Variants in H2AC15 observed in about 807,000 individuals in gnomAD.
The protein encoded by H2AC15 is histone H2A type 1.
Under a neutral mutation model 7.8 loss-of-function variants are expected in H2AC15, and 7 were observed. The observed-to-expected ratio is 0.90, with a 90% CI of 0.51 to 1.69. H2AC15 has a LOEUF of 1.69. Ranked by LOEUF, H2AC15 falls within the 40% of genes most tolerant of loss-of-function variation. The pLI is 0.00. For synonymous variants in H2AC15, 125 were observed against 79.3 expected, an observed-to-expected ratio of 1.58 and a Z score of -3.06; for missense variants, 234 against 174.7, an observed-to-expected ratio of 1.34 and a Z score of -1.91.
chr6:27,838,169 C>G lies in H2AC15; in HGVS notation c.171G>C (p.Glu57Asp), dbSNP rs1373696728. The G allele has an allele frequency of 6.2e-7, 1 of 1,614,168 alleles. No individual in the cohort carries two copies. Among genetic ancestry groups the G allele is most frequent in the Admixed American group, 1.7e-5 (1 of 60,020 alleles). Residue 57 changes from glutamate to aspartate, a missense_variant, in exon 1 of 1, where the codon GAG becomes GAC. Coordinates refer to ENST00000618958, the MANE Select transcript of H2AC15 (RefSeq NM_003510.3). ...GAPVYLAAVL[E>D]YLTAEILELA... The stretch of plus-strand genomic sequence containing the variant: ...GTTCCAGGATCTCGGCGGTTAGGTA[C>G]TCCAACACCGCCGCCAGGTACACCG...
In H2AC15 at chr6:27,838,184, C is replaced by G. The variant is rs149036829; in HGVS notation, c.156G>C (p.Leu52=). Residue 52 remains leucine (L), a synonymous_variant, in exon 1 of 1, where the codon CTG becomes CTC. Transcript: ENST00000618958. ...ERVGAGAPVY[L]AAVLEYLTAE... is the part of the protein sequence containing the mutation. ...CGGTTAGGTACTCCAACACCGCCGC[C>G]AGGTACACCGGCGCTCCGGCACCGA... The G allele has an allele frequency of 8.1e-6, 13 of 1,614,030 alleles. No individual in the cohort carries two copies. In the Admixed American group the frequency reaches 2.2e-4, roughly 27 times the overall value.
In H2AC15 at chr6:27,838,134, T is replaced by C; in HGVS notation, c.206A>G (p.Asn69Ser). The change falls in exon 1 of 1, where the codon AAC (asparagine) becomes AGC (serine). Residue 69 changes from asparagine to serine, a missense_variant. Asn to Ser is a conservative substitution (Grantham distance 46). Coordinates refer to ENST00000618958, the MANE Select transcript of H2AC15 (RefSeq NM_003510.3). ...LTAEILELAG[N>S]AARDNKKTRI... ...GGTCTTCTTGTTGTCGCGGGCCGCG[T>C]TGCCAGCCAGTTCCAGGATCTCGGC... is the stretch of plus-strand genomic sequence containing the variant. 15 of 1,614,160 alleles carry C rather than the reference T, an allele frequency of 9.3e-6. 1 individual carries two copies. Among genetic ancestry groups the C allele is most frequent in the Non-Finnish European group, 1.3e-5 (15 of 1,180,030 alleles).
Position 27,838,192 on chromosome 6 carries a change from C to A in H2AC15, c.148G>T (p.Val50Leu). The change falls in exon 1 of 1, where the codon GTG becomes TTG. Residue 50 changes from valine (V) to leucine (L), a missense_variant. By Grantham distance (32) the Val-to-Leu change is conservative. Coordinates refer to ENST00000618958, the MANE Select transcript of H2AC15 (RefSeq NM_003510.3). ...YAERVGAGAP[V>L]YLAAVLEYLT... ...TACTCCAACACCGCCGCCAGGTACA[C>A]CGGCGCTCCGGCACCGACCCGCTCA... 1 of 1,614,088 alleles carries A rather than the reference C, an allele frequency of 6.2e-7. No individual in the cohort carries two copies.
chr6:27,838,313 G>A lies in H2AC15; in HGVS notation c.27C>T (p.Gly9=). ...GGGTCTTAGCCTTGGCGCGAGCTTT[G>A]CCGCCCTGCTTGCCACGTCCCGACA... MSGRGKQG[G]KARAKAKTRS... is the part of the protein sequence containing the mutation. Residue 9 remains glycine, a synonymous_variant, in exon 1 of 1, where the codon GGC becomes GGT. Coordinates refer to ENST00000618958, the MANE Select transcript of H2AC15 (RefSeq NM_003510.3). 6.3e-7 allele frequency: 1 copy of A among 1,594,652 alleles called. No individual in the cohort carries two copies.
In H2AC15 at chr6:27,838,367, C is replaced by A. The variant is rs759460168; in HGVS notation, c.-28G>T. The stretch of plus-strand genomic sequence containing the variant: ...CGTAAAAAATTCAATCAGTAACGTT[C>A]CTGAGACTGACGTAACGCTAAAGCT... On this transcript the variant is annotated 5_prime_UTR_variant, in exon 1 of 1. Coordinates refer to ENST00000618958, the MANE Select transcript of H2AC15 (RefSeq NM_003510.3). The A allele has an allele frequency of 6.4e-7, 1 of 1,552,786 alleles. No individual in the cohort carries two copies. Among genetic ancestry groups the A allele is most frequent in the East Asian group, 2.3e-5 (1 of 44,406 alleles).
At position 27,838,191 on chromosome 6, in the gene H2AC15, A is replaced by G. The variant is rs1441424698; in HGVS notation, c.149T>C (p.Val50Ala). ...GTACTCCAACACCGCCGCCAGGTACACCGGCGCTCCGGCACCGACCCGCTC... is the reference window on the plus strand; with the variant it reads ...GTACTCCAACACCGCCGCCAGGTACGCCGGCGCTCCGGCACCGACCCGCTC... ...YAERVGAGAP[V>A]YLAAVLEYLT... Residue 50 changes from valine to alanine, a missense_variant, in exon 1 of 1, where the codon GTG becomes GCG. By Grantham distance (64) the Val-to-Ala change is moderately conservative. Coordinates refer to ENST00000618958, the MANE Select transcript of H2AC15 (RefSeq NM_003510.3). 2 of 1,614,032 alleles carry G rather than the reference A, an allele frequency of 1.2e-6. No individual in the cohort carries two copies. Among genetic ancestry groups the G allele is most frequent in the Non-Finnish European group, 1.7e-6 (2 of 1,180,022 alleles).
At position 27,838,104 on chromosome 6, in the gene H2AC15, A is replaced by T. The variant is rs748101619; in HGVS notation, c.236T>A (p.Ile79Asn). 1 of 1,614,042 alleles carries T rather than the reference A, an allele frequency of 6.2e-7. No individual in the cohort carries two copies. The highest frequency in any genetic ancestry group is 1.7e-5 in the Admixed American group (1 of 59,998). The part of the protein sequence containing the change: ...NAARDNKKTR[I>N]IPRHLQLAIR... ...GGCCAGCTGCAAGTGGCGCGGGATGATGCGGGTCTTCTTGTTGTCGCGGGC... is the reference window on the plus strand; with the variant it reads ...GGCCAGCTGCAAGTGGCGCGGGATGTTGCGGGTCTTCTTGTTGTCGCGGGC... The change falls in exon 1 of 1, where the codon ATC (isoleucine) becomes AAC (asparagine). Residue 79 changes from isoleucine to asparagine, a missense_variant. Transcript: ENST00000618958.
rs754126602 is a variant in H2AC15, at chr6:27,838,246, G to A, written c.94C>T (p.His32Tyr). 6 of 1,613,942 alleles carry A rather than the reference G, an allele frequency of 3.7e-6. No homozygotes were observed. The highest frequency in any genetic ancestry group is 1.7e-5 in the Admixed American group (1 of 59,998). ...AGLQFPVGRV[H>Y]RLLRKGNYAE... ...TAGTTGCCCTTGCGGAGCAGTCGGTGCACTCGGCCCACTGGGAACTGAAGA... is the reference window on the plus strand; with the variant it reads ...TAGTTGCCCTTGCGGAGCAGTCGGTACACTCGGCCCACTGGGAACTGAAGA... Residue 32 changes from histidine to tyrosine, a missense_variant, in exon 1 of 1, where the codon CAC (histidine) becomes TAC (tyrosine). His to Tyr is a moderately conservative substitution (Grantham distance 83). Coordinates refer to ENST00000618958, the MANE Select transcript of H2AC15 (RefSeq NM_003510.3).
At position 27,838,257 on chromosome 6, in the gene H2AC15, A is replaced by C; in HGVS notation, c.83T>G (p.Val28Gly). 6.2e-7 allele frequency: 1 copy of C among 1,613,630 alleles called. No individual in the cohort carries two copies. The highest frequency in any genetic ancestry group is 8.5e-7 in the Non-Finnish European group (1 of 1,179,794). The change falls in exon 1 of 1, where the codon GTG becomes GGG. Residue 28 changes from valine to glycine, a missense_variant. Val to Gly is a moderately radical substitution (Grantham distance 109). Transcript: ENST00000618958. ...RSSRAGLQFP[V>G]GRVHRLLRKG... Reference sequence around the variant, plus strand: ...GCGGAGCAGTCGGTGCACTCGGCCCACTGGGAACTGAAGACCCGCCCTTGA... The same window carrying C: ...GCGGAGCAGTCGGTGCACTCGGCCCCCTGGGAACTGAAGACCCGCCCTTGA...
At position 27,838,290 on chromosome 6, in the gene H2AC15, G is replaced by A. The variant is rs1481379236; in HGVS notation, c.50C>T (p.Thr17Ile). Reference protein sequence around the residue: ...QGGKARAKAKTRSSRAGLQFP... With the variant: ...QGGKARAKAKIRSSRAGLQFP... Reference sequence around the variant, plus strand: ...CTGAAGACCCGCCCTTGAAGAACGGGTCTTAGCCTTGGCGCGAGCTTTGCC... The same window carrying A: ...CTGAAGACCCGCCCTTGAAGAACGGATCTTAGCCTTGGCGCGAGCTTTGCC... Residue 17 changes from threonine (T) to isoleucine (I), a missense_variant, in exon 1 of 1, where the codon ACC (threonine) becomes ATC (isoleucine). Coordinates refer to ENST00000618958, the MANE Select transcript of H2AC15 (RefSeq NM_003510.3). 6.2e-7 allele frequency: 1 copy of A among 1,606,992 alleles called. No individual in the cohort carries two copies. Among genetic ancestry groups the A allele is most frequent in the Non-Finnish European group, 8.5e-7 (1 of 1,175,998 alleles).
At position 27,838,301 on chromosome 6, in the gene H2AC15, G is replaced by C; in HGVS notation, c.39C>G (p.Ala13=). 6.2e-7 allele frequency: 1 copy of C among 1,601,764 alleles called. No homozygotes were observed. Among genetic ancestry groups the C allele is most frequent in the Non-Finnish European group, 8.5e-7 (1 of 1,173,030 alleles). Residue 13 remains alanine (A), a synonymous_variant, in exon 1 of 1, where the codon GCC becomes GCG. Transcript: ENST00000618958. ...GRGKQGGKAR[A]KAKTRSSRAG... The stretch of plus-strand genomic sequence containing the variant: ...CCCTTGAAGAACGGGTCTTAGCCTT[G>C]GCGCGAGCTTTGCCGCCCTGCTTGC...
chr6:27,838,314 C>A lies in H2AC15; in HGVS notation c.26G>T (p.Gly9Val). Residue 9 changes from glycine (G) to valine (V), a missense_variant, in exon 1 of 1, where the codon GGC becomes GTC. Physicochemically the swap from Gly to Val is moderately radical, Grantham distance 109. Transcript: ENST00000618958. MSGRGKQG[G>V]KARAKAKTRS... is the part of the protein sequence containing the mutation. ...GGTCTTAGCCTTGGCGCGAGCTTTG[C>A]CGCCCTGCTTGCCACGTCCCGACAT... The A allele has an allele frequency of 6.3e-7, 1 of 1,593,906 alleles. No individual in the cohort carries two copies. The highest frequency in any genetic ancestry group is 8.6e-7 in the Non-Finnish European group (1 of 1,168,494).
rs780736877 is a variant in H2AC15, at chr6:27,838,238, C to CA, written c.101dup (p.Leu35AlafsTer8). 2 of 1,613,974 alleles carry CA rather than the reference C, an allele frequency of 1.2e-6. No individual in the cohort carries two copies. The highest frequency in any genetic ancestry group is 1.7e-6 in the Non-Finnish European group (2 of 1,179,990). On this transcript the variant is annotated frameshift_variant, in exon 1 of 1. Coordinates refer to ENST00000618958, the MANE Select transcript of H2AC15 (RefSeq NM_003510.3). LOFTEE classifies it high-confidence loss of function. Reference sequence around the variant, plus strand: ...GCTCAGCGTAGTTGCCCTTGCGGAGCAGTCGGTGCACTCGGCCCACTGGGA... The same window carrying CA: ...GCTCAGCGTAGTTGCCCTTGCGGAGCAAGTCGGTGCACTCGGCCCACTGGGA...
In H2AC15 at chr6:27,838,150, G is replaced by C; in HGVS notation, c.190C>G (p.Leu64Val). 15 of 1,614,156 alleles carry C rather than the reference G, an allele frequency of 9.3e-6. No individual in the cohort carries two copies. The highest frequency in any genetic ancestry group is 1.3e-5 in the Non-Finnish European group (15 of 1,180,042). Reference sequence around the variant, plus strand: ...CGGGCCGCGTTGCCAGCCAGTTCCAGGATCTCGGCGGTTAGGTACTCCAAC... The same window carrying C: ...CGGGCCGCGTTGCCAGCCAGTTCCACGATCTCGGCGGTTAGGTACTCCAAC... ...AVLEYLTAEI[L>V]ELAGNAARDN... The change falls in exon 1 of 1, where the codon CTG (leucine) becomes GTG (valine). Residue 64 changes from leucine (L) to valine (V), a missense_variant. Physicochemically the swap from Leu to Val is conservative, Grantham distance 32. Transcript: ENST00000618958.
Position 27,838,104 on chromosome 6 carries a change from A to G in H2AC15, c.236T>C (p.Ile79Thr), listed in dbSNP as rs748101619. 1 of 1,614,160 alleles carries G rather than the reference A, an allele frequency of 6.2e-7. No individual in the cohort carries two copies. Among genetic ancestry groups the G allele is most frequent in the Non-Finnish European group, 8.5e-7 (1 of 1,180,026 alleles). ...GGCCAGCTGCAAGTGGCGCGGGATG[A>G]TGCGGGTCTTCTTGTTGTCGCGGGC... is the stretch of plus-strand genomic sequence containing the variant. ...NAARDNKKTRIIPRHLQLAIR... is the reference protein window; with the variant it reads ...NAARDNKKTRTIPRHLQLAIR... Residue 79 changes from isoleucine to threonine, a missense_variant, in exon 1 of 1, where the codon ATC becomes ACC. Transcript: ENST00000618958.
chr6:27,838,004 G>T lies in H2AC15; in HGVS notation c.336C>A (p.Ile112=). 1 of 1,614,252 alleles carries T rather than the reference G, an allele frequency of 6.2e-7. No homozygotes were observed. The highest frequency in any genetic ancestry group is 8.5e-7 in the Non-Finnish European group (1 of 1,180,050). The part of the protein sequence containing the change: ...TIAQGGVLPN[I]QAVLLPKKTE... Reference sequence around the variant, plus strand: ...TTTTCTTAGGCAGCAGCACGGCCTGGATATTGGGCAGGACACCACCCTGGG... The same window carrying T: ...TTTTCTTAGGCAGCAGCACGGCCTGTATATTGGGCAGGACACCACCCTGGG... Residue 112 remains isoleucine (I), a synonymous_variant, in exon 1 of 1, where the codon ATC becomes ATA. Coordinates refer to ENST00000618958, the MANE Select transcript of H2AC15 (RefSeq NM_003510.3).
chr6:27,838,343 GT>G lies in H2AC15; in HGVS notation c.-5del. 1 of 1,571,250 alleles carries G rather than the reference GT, an allele frequency of 6.4e-7. No individual in the cohort carries two copies. Among genetic ancestry groups the G allele is most frequent in the Non-Finnish European group, 8.6e-7 (1 of 1,158,896 alleles). ...CCTGCTTGCCACGTCCCGACATGAC[GT>G]AAAAAATTCAATCAGTAACGTTCCT... On this transcript the variant is annotated 5_prime_UTR_variant, in exon 1 of 1. Coordinates refer to ENST00000618958, the MANE Select transcript of H2AC15 (RefSeq NM_003510.3).
Position 27,838,144 on chromosome 6 carries a change from G to A in H2AC15, c.196C>T (p.Leu66=). ...TTGTCGCGGGCCGCGTTGCCAGCCA[G>A]TTCCAGGATCTCGGCGGTTAGGTAC... is the stretch of plus-strand genomic sequence containing the variant. The part of the protein sequence containing the change: ...LEYLTAEILE[L]AGNAARDNKK... The change falls in exon 1 of 1, where the codon CTG becomes TTG. Residue 66 remains leucine, a synonymous_variant. Coordinates refer to ENST00000618958, the MANE Select transcript of H2AC15 (RefSeq NM_003510.3). 1 of 1,614,190 alleles carries A rather than the reference G, an allele frequency of 6.2e-7. No individual in the cohort carries two copies. Among genetic ancestry groups the A allele is most frequent in the Non-Finnish European group, 8.5e-7 (1 of 1,180,038 alleles).
chr6:27,837,947 C>G lies in H2AC15; in HGVS notation c.393G>C (p.Ter131TyrextTer?), dbSNP rs1438120292. Residue 131 changes from the stop codon to tyrosine, a stop_lost, in exon 1 of 1, where the codon TAG (stop) becomes TAC (tyrosine). Coordinates refer to ENST00000618958, the MANE Select transcript of H2AC15 (RefSeq NM_003510.3). ...TESHHKAKGK[*>Y] ...TGAGTAATGAACTGCTCCAGCCCCG[C>G]TACTTGCCCTTGGCCTTGTGGTGGC... The G allele has an allele frequency of 1.2e-6, 2 of 1,614,138 alleles. No homozygotes were observed. Among genetic ancestry groups the G allele is most frequent in the Non-Finnish European group, 1.7e-6 (2 of 1,180,006 alleles).
Sources: allele counts gnomAD v4.1 joint callset, GRCh38; gene constraint gnomAD v4.1.1; transcripts MANE v1.5; gene names NCBI Gene and HGNC (gene_info 2026-07-23, HGNC 2026-07-21).